KAZN: variants seen among roughly 807,000 people sequenced by gnomAD.
The protein encoded by KAZN is kazrin.
Under a neutral mutation model 87.4 loss-of-function variants are expected in KAZN, and 40 were observed. That is an observed-to-expected ratio of 0.46 (90% CI 0.36 to 0.60). The LOEUF is 0.60. Ranked by LOEUF, KAZN falls within the 20% of genes least tolerant of loss-of-function variation. The probability of loss-of-function intolerance (pLI) is 0.00; values close to 1 mark genes in which losing one functional copy is unlikely to be tolerated. For synonymous variants in KAZN, 466 were observed against 458.3 expected, an observed-to-expected ratio of 1.02 and a Z score of -0.22; for missense variants, 898 against 1,073.9, an observed-to-expected ratio of 0.84 and a Z score of 2.29.
At chr1:13,966,950 A>G (rs1210207855) in intron 1 of KAZN, among the ~76,000 whole-genome samples, 3 of 152,166 alleles carry the variant, frequency 2.0e-5, no homozygotes, top group Non-Finnish European at 4.4e-5. Flanking sequence ...GCACTGGTCT[A>G]CAATGTATGT....
intron 2 of KAZN, among the ~76,000 whole-genome samples, chr1:14,447,956 G>A (rs910897356): frequency 7.2e-5 from 11 of 152,198 alleles, no homozygotes; most frequent in East Asian, 1.9e-4. Context: ...CTGGAACAGA[G>A]GCAGGACCAG....
intron 2 of KAZN, among the ~76,000 whole-genome samples, chr1:15,005,369 G>T (rs1207633063): frequency 6.6e-6 from 1 of 152,190 alleles, no homozygotes; most frequent in African/African-American, 2.4e-5. Flanking sequence ...TGTGCACCCT[G>T]CTCCACACCT....
At chr1:14,920,276 G>GTTTTTTTTTTTTT (rs55641056) in intron 1 of KAZN, among the ~76,000 whole-genome samples, 1 of 94,158 alleles carries the variant, frequency 1.1e-5, no homozygotes, top group African/African-American at 4.1e-5. Context: ...CCTCTTTTCT[G>GTTTTTTTTTTTTT]TTTTTTTTTT....
intron 1 of KAZN, among the ~76,000 whole-genome samples, chr1:14,078,143 T>G (rs1359312271): frequency 6.6e-6 from 1 of 152,188 alleles, no homozygotes; most frequent in Non-Finnish European, 1.5e-5. Flanking sequence ...CTCCATGTGG[T>G]TTAGCAATCA....
chr1:14,791,791 G>T (rs1013932219), intron 1 of KAZN, among the ~76,000 whole-genome samples: 3 of 152,238 alleles, frequency 2.0e-5, no homozygotes, highest in Non-Finnish European at 4.4e-5. Flanking sequence ...AGGGCAGCAG[G>T]CACGAGCCAC....
chr1:14,946,105 C>T (rs995075812), intron 1 of KAZN: 1 of 172,178 alleles, frequency 5.8e-6, no homozygotes, highest in Admixed American at 6.5e-5. Flanking sequence ...AAGGACAGAG[C>T]CAGGATTTGA....
intron 1 of KAZN, among the ~76,000 whole-genome samples, chr1:14,698,528 C>T (rs1281088317): frequency 6.6e-6 from 1 of 152,236 alleles, no homozygotes; most frequent in Non-Finnish European, 1.5e-5. Flanking sequence ...GGGCCTTCAG[C>T]AAACTCATCT....
intron 2 of KAZN, among the ~76,000 whole-genome samples, chr1:14,214,918 A>G (rs1646929239): frequency 6.6e-6 from 1 of 152,242 alleles, no homozygotes; most frequent in African/African-American, 2.4e-5. Context: ...AAGGAATGAT[A>G]GAAAACACAG....
intron 1 of KAZN, among the ~76,000 whole-genome samples, chr1:14,850,705 C>A (rs768534749): frequency 6.6e-6 from 1 of 152,170 alleles, no homozygotes; most frequent in East Asian, 1.9e-4. Context: ...GCCAGCAGAA[C>A]GTGTTTGAAT....
At chr1:13,955,289 G>A (rs577138600) in intron 1 of KAZN, among the ~76,000 whole-genome samples, 2 of 152,084 alleles carry the variant, frequency 1.3e-5, no homozygotes, top group South Asian at 2.1e-4. Flanking sequence ...CGTTATACCC[G>A]TATGACTGTC....
chr1:14,264,887 A>G (rs985797103), intron 2 of KAZN, among the ~76,000 whole-genome samples: 3 of 152,188 alleles, frequency 2.0e-5, no homozygotes, highest in Admixed American at 1.3e-4. Context: ...GAAAATCTCT[A>G]TATTTTAAGG....
chr1:14,245,751 C>T (rs1649440097), intron 2 of KAZN, among the ~76,000 whole-genome samples: 1 of 152,160 alleles, frequency 6.6e-6, no homozygotes. Flanking sequence ...AGTATCATCA[C>T]TGTTTTTATT....
intron 2 of KAZN, among the ~76,000 whole-genome samples, chr1:14,980,674 T>C (rs750405977): frequency 6.6e-6 from 1 of 152,174 alleles, no homozygotes; most frequent in African/African-American, 2.4e-5. Flanking sequence ...CTGTTTTTTA[T>C]GGACCTGAAA....
intron 1 of KAZN, among the ~76,000 whole-genome samples, chr1:14,014,213 T>G (rs1640458210): frequency 6.6e-6 from 1 of 152,118 alleles, no homozygotes; most frequent in African/African-American, 2.4e-5. Context: ...CTGTGTCTGT[T>G]GTAATTGTTC....
At chr1:14,433,951 G>A (rs536963347) in intron 2 of KAZN, among the ~76,000 whole-genome samples, 3 of 152,350 alleles carry the variant, frequency 2.0e-5, no homozygotes, top group South Asian at 2.1e-4. Context: ...GACACAATGC[G>A]AAGGAGGCTG....
intron 2 of KAZN, among the ~76,000 whole-genome samples, chr1:14,307,793 A>G (rs1386517463): frequency 6.6e-6 from 1 of 152,224 alleles, no homozygotes; most frequent in African/African-American, 2.4e-5. Context: ...GATGAGAAAT[A>G]GAGTGGATAC....
intron 1 of KAZN, among the ~76,000 whole-genome samples, chr1:14,604,222 C>A (rs539674963): frequency 1.3e-5 from 2 of 152,288 alleles, no homozygotes; most frequent in African/African-American, 4.8e-5. Context: ...GCAGTCATTG[C>A]ACTGCCTTGG....
At chr1:14,418,057 G>T (rs1161391483) in intron 2 of KAZN, among the ~76,000 whole-genome samples, 2 of 76,354 alleles carry the variant, frequency 2.6e-5, no homozygotes, top group African/African-American at 4.6e-5. Context: ...TACATCGAAA[G>T]ATTTGCCATC....
At chr1:14,644,002 CTTTTTTTTTTTT>C (rs34535562) in intron 1 of KAZN, among the ~76,000 whole-genome samples, 1 of 60,344 alleles carries the variant, frequency 1.7e-5, no homozygotes, top group Admixed American at 2.3e-4. Flanking sequence ...CCTTTGCCCA[CTTTTTTTTTTTT>C]TTTTTTTTTT....
Sources: allele counts gnomAD v4.1 joint callset (sites outside exome capture counted in the v4.1 genomes callset), GRCh38; gene constraint gnomAD v4.1.1; transcripts MANE v1.5; gene names NCBI Gene and HGNC (gene_info 2026-07-23, HGNC 2026-07-21).